The following ESR1 variants were observed in gnomAD, a reference collection of about 807,000 sequenced individuals.
The protein encoded by ESR1 is estrogen receptor 1.
In ESR1, 12 loss-of-function variants were observed where a neutral mutation model predicts 52.7. The observed-to-expected ratio is 0.23, with a 90% confidence interval of 0.15 to 0.37. The LOEUF (loss-of-function observed/expected upper bound fraction) is 0.37, where lower values mean the gene tolerates loss of function less well. ESR1 is among the 10% of genes least tolerant of loss of function. ESR1 has a pLI of 1.00. For missense variants in ESR1, 584 were observed against 779.7 expected (o/e 0.75, Z 2.99); for synonymous variants, 305 against 316.8 (o/e 0.96, Z 0.39).
exon 7 of ESR1, chr6:152,126,762 C>G (rs566401048): frequency 6.6e-6 from 1 of 152,254 alleles, no homozygotes; most frequent in South Asian, 2.1e-4. Context: ...TAAAATCACA[C>G]CCTTCAAAAG....
intron 1 of ESR1, among the ~76,000 whole-genome samples, chr6:151,828,219 A>G (rs117758240): frequency 6.6e-6 from 1 of 152,318 alleles, no homozygotes; most frequent in East Asian, 1.9e-4. Flanking sequence ...AATGAGTTCT[A>G]CACAATTCAT....
chr6:151,876,381 G>A (rs917732177), intron 2 of ESR1, among the ~76,000 whole-genome samples: 6 of 152,134 alleles, frequency 3.9e-5, no homozygotes, highest in African/African-American at 1.4e-4. Flanking sequence ...GATCTGAAGT[G>A]ACCACCAGAA....
chr6:151,735,586 G>T (rs112805991), intron 2 of ESR1, among the ~76,000 whole-genome samples: 1 of 151,726 alleles, frequency 6.6e-6, no homozygotes, highest in African/African-American at 2.4e-5. Context: ...CATTTCAATA[G>T]CTTTAGGGGT....
At chr6:151,971,935 G>A (rs543866568) in intron 4 of ESR1, among the ~76,000 whole-genome samples, 1 of 151,746 alleles carries the variant, frequency 6.6e-6, no homozygotes, top group East Asian at 1.9e-4. Flanking sequence ...GAAGAGAGAG[G>A]ATCCAAATAA....
rs1229922261 is a variant in ESR1, at chr6:151,845,344, G to A, written c.643+2557G>A. Among the ~76,000 whole-genome samples, 3 of 152,216 alleles carry A rather than the reference G, an allele frequency of 2.0e-5. No homozygotes were observed. The East Asian group carries it at 5.8e-4, about 29-fold the overall frequency. The stretch of plus-strand genomic sequence containing the variant: ...CCAGCAGTTTGGGAGGCTGAGGCGA[G>A]TGGATCACAAGGTCAGGAGATCGAG... On this transcript the variant is annotated intron_variant, in intron 2 of 7. Coordinates refer to ENST00000206249, the MANE Select transcript of ESR1 (RefSeq NM_000125.4).
chr6:151,669,824 G>C (rs183850571), intron 1 of ESR1, among the ~76,000 whole-genome samples: 75 of 152,250 alleles, frequency 4.9e-4, no homozygotes, highest in Admixed American at 4.1e-3. Context: ...GTGAGTAGCA[G>C]AATCAACACA....
chr6:152,074,199 A>G (rs554488100), intron 6 of ESR1, among the ~76,000 whole-genome samples: 1 of 152,300 alleles, frequency 6.6e-6, no homozygotes, highest in Admixed American at 6.5e-5. Flanking sequence ...ATTGTAATAT[A>G]CAGAATAATT....
At chr6:151,734,470 T>G (rs1027953176) in intron 2 of ESR1, among the ~76,000 whole-genome samples, 1 of 152,152 alleles carries the variant, frequency 6.6e-6, no homozygotes, top group Non-Finnish European at 1.5e-5. Context: ...TCCCAGCATC[T>G]AGCTGACAAA....
intron 1 of ESR1, among the ~76,000 whole-genome samples, chr6:151,666,546 T>C (rs1301539363): frequency 6.6e-6 from 1 of 152,164 alleles, no homozygotes; most frequent in Non-Finnish European, 1.5e-5. Context: ...GTTTTCTTCT[T>C]GATTTAACTC....
chr6:151,704,501 C>T lies in ESR1; in HGVS notation c.-71+2496C>T, dbSNP rs550045159. On this transcript the variant is annotated intron_variant, in intron 2 of 2. Coordinates refer to the ESR1 transcript ENST00000404742. The stretch of plus-strand genomic sequence containing the variant: ...AACTCCTGACCTCAGGTGATCCACC[C>T]GCCTCAGCCTCCCAAAGTGTTGGGA... 1.5e-3 allele frequency among the ~76,000 whole-genome samples: 226 copies of T among 152,272 alleles called. 1 individual carries two copies. The highest frequency in any genetic ancestry group is 3.4e-3 in the Middle Eastern group (1 of 294).
At chr6:151,896,001 GC>G (rs1795436313) in intron 3 of ESR1, among the ~76,000 whole-genome samples, 1 of 152,144 alleles carries the variant, frequency 6.6e-6, no homozygotes, top group Non-Finnish European at 1.5e-5. Context: ...TGTTGGCCAG[GC>G]GGGTCTTGAA....
At chr6:151,686,689 AAACCAACCAACCAACC>A (rs35551206), upstream of ESR1, among the ~76,000 whole-genome samples, 25 of 126,676 alleles carry the variant, frequency 2.0e-4, no homozygotes, top group South Asian at 2.6e-3. Flanking sequence ...CTCCATCTCA[AAACCAACCAACCAACC>A]AACCAACCAA....
chr6:152,042,334 T>C (rs1255639868), intron 5 of ESR1, among the ~76,000 whole-genome samples: 1 of 152,186 alleles, frequency 6.6e-6, no homozygotes, highest in Non-Finnish European at 1.5e-5. Context: ...GGACCTGAGC[T>C]AAAATTCCAT....
intron 3 of ESR1, among the ~76,000 whole-genome samples, chr6:151,929,421 C>T (rs1392739935): frequency 6.6e-6 from 1 of 152,096 alleles, no homozygotes; most frequent in African/African-American, 2.4e-5. Context: ...GTATCTTTCT[C>T]CATTCCTTTA....
rs560075992 is a variant in ESR1 at position 152,012,059 on chromosome 6, C to T, written c.1235+265C>T. 2.1e-3 allele frequency among the ~76,000 whole-genome samples: 317 copies of T among 151,668 alleles called. 2 individuals are homozygous for T. The highest frequency in any genetic ancestry group is 6.8e-3 in the African/African-American group (281 of 41,390). ...ACACACACACACACTCACACTCTCT[C>T]TCTCTCTCTCTCTGTCATTATGAAT... is the stretch of plus-strand genomic sequence containing the variant. On this transcript the variant is annotated intron_variant, in intron 5 of 7. Transcript: ENST00000206249.
Position 152,076,497 on chromosome 6 carries a change from G to A in ESR1, c.1369+15373G>A, listed in dbSNP as rs557720404. ...GTGGGGTGTTGCTGAAAAGATAGCCGAAAATGTGGAAGCAATCTTGGAACT... is the reference window on the plus strand; with the variant it reads ...GTGGGGTGTTGCTGAAAAGATAGCCAAAAATGTGGAAGCAATCTTGGAACT... On this transcript the variant is annotated intron_variant, in intron 6 of 7. Transcript: ENST00000206249. 5.3e-5 allele frequency among the ~76,000 whole-genome samples: 8 copies of A among 152,278 alleles called. No individual in the cohort carries two copies. The East Asian group carries it at 9.6e-4, about 18-fold the overall frequency.
intron 1 of ESR1, among the ~76,000 whole-genome samples, chr6:151,683,429 C>T (rs916326666): frequency 6.6e-6 from 1 of 151,408 alleles, no homozygotes; most frequent in Non-Finnish European, 1.5e-5. Flanking sequence ...ACTTCCTGCC[C>T]CCTCAATTTA....
At chr6:152,123,994 G>A (rs2052415881) in intron 6 of ESR1, among the ~76,000 whole-genome samples, 1 of 152,134 alleles carries the variant, frequency 6.6e-6, no homozygotes, top group Non-Finnish European at 1.5e-5. Flanking sequence ...GGGAACAGAG[G>A]GAGTATTCAA....
intron 5 of ESR1, among the ~76,000 whole-genome samples, chr6:152,060,700 C>T (rs2047477139): frequency 6.6e-6 from 1 of 152,138 alleles, no homozygotes; most frequent in South Asian, 2.1e-4. Context: ...TTTTCAATTA[C>T]CCATAGGTTG....
Sources: allele counts gnomAD v4.1 joint callset (sites outside exome capture counted in the v4.1 genomes callset), GRCh38; gene constraint gnomAD v4.1.1; transcripts MANE v1.5; gene names NCBI Gene and HGNC (gene_info 2026-07-23, HGNC 2026-07-21).